The following UBE2QL1 variants were observed in gnomAD, a reference collection of about 807,000 sequenced individuals.
UBE2QL1 encodes ubiquitin conjugating enzyme E2 QL1, also known as ubiquitin-conjugating enzyme E2Q-like protein 1.
Under a neutral mutation model 12.6 loss-of-function variants are expected in UBE2QL1, and 5 were observed. The observed-to-expected ratio is 0.40, with a 90% confidence interval of 0.21 to 0.83. The LOEUF (loss-of-function observed/expected upper bound fraction) is 0.83. Ranked by LOEUF, UBE2QL1 falls within the 40% of genes least tolerant of loss-of-function variation. UBE2QL1 has a pLI of 0.37. For missense variants in UBE2QL1, 99 were observed against 222.6 expected (o/e 0.44, Z 3.53); for synonymous variants, 96 against 94.5 (o/e 1.02, Z -0.10).
chr5:6,472,267 C>G (rs115833881), intron 1 of UBE2QL1, among the ~76,000 whole-genome samples: 5,438 of 152,276 alleles, frequency 0.036, 136 homozygotes, highest in South Asian at 0.099. Context: ...TCCCACCTCC[C>G]TGTGGTCACA....
intron 1 of UBE2QL1, among the ~76,000 whole-genome samples, chr5:6,463,566 C>T (rs1377087622): frequency 6.6e-6 from 1 of 151,248 alleles, no homozygotes; most frequent in Non-Finnish European, 1.5e-5. Context: ...CCGAAGTTCT[C>T]CCGAAACCCA....
In UBE2QL1 at chr5:6,491,480, C is replaced by T. The variant is rs751770214; in HGVS notation, c.*131C>T. On this transcript the variant is annotated 3_prime_UTR_variant, in exon 2 of 2. Coordinates refer to ENST00000399816, the MANE Select transcript of UBE2QL1 (RefSeq NM_001145161.3). ...AACTGCATCCTGAATGCCCAGGAGA[C>T]GTTTAAGTTATTTATGAAAAGATGT... The T allele has an allele frequency of 6.5e-6, 8 of 1,237,776 alleles. No homozygotes were observed. Among genetic ancestry groups the T allele is most frequent in the South Asian group, 2.0e-5 (1 of 50,860 alleles). 76.7% of individuals were successfully genotyped at this position (1,237,776 alleles called of 1,614,324 possible). A position where few individuals can be genotyped will look rare whatever the true frequency, so the allele number is the denominator to read the frequency against.
At chr5:6,452,428 C>CT (rs1383551442) in intron 1 of UBE2QL1, among the ~76,000 whole-genome samples, 2 of 152,146 alleles carry the variant, frequency 1.3e-5, no homozygotes, top group Non-Finnish European at 1.5e-5. Flanking sequence ...ACTAAACCCT[C>CT]TTTTGACTAG....
chr5:6,461,761 A>G (rs1318600923), intron 1 of UBE2QL1, among the ~76,000 whole-genome samples: 7 of 152,090 alleles, frequency 4.6e-5, no homozygotes, highest in African/African-American at 9.7e-5. Flanking sequence ...TGTTAAACAC[A>G]TTATTTAGCT....
At position 6,492,369 on chromosome 5, in the gene UBE2QL1, C is replaced by T. The variant is rs973791527; in HGVS notation, c.*1020C>T. On this transcript the variant is annotated 3_prime_UTR_variant, in exon 2 of 2. Coordinates refer to ENST00000399816, the MANE Select transcript of UBE2QL1 (RefSeq NM_001145161.3). The stretch of plus-strand genomic sequence containing the variant: ...TTCACCCAATAGTCACTTGTGTGTC[C>T]CCCGAAATTGGGATGGGTGAGCACC... 1 of 152,170 alleles carries T rather than the reference C, an allele frequency of 6.6e-6. No homozygotes were observed. The highest frequency in any genetic ancestry group is 2.4e-5 in the African/African-American group (1 of 41,438). The allele number at this position is 152,170 out of a possible 1,614,324, so 9.4% of individuals were successfully genotyped here.
In UBE2QL1 at chr5:6,495,371, C is replaced by T. The variant is rs938132404; in HGVS notation, c.*4022C>T. Among the ~76,000 whole-genome samples the T allele has an allele frequency of 1.3e-5, 2 of 152,204 alleles. No homozygotes were observed. Among genetic ancestry groups the T allele is most frequent in the African/African-American group, 4.8e-5 (2 of 41,446 alleles). ...TAAAGGGGCAGAGCTTACTTCCTGA[C>T]TGTAGTGAGGGTAGAGCCACTGAAT... On this transcript the variant is annotated 3_prime_UTR_variant, in exon 2 of 2. Transcript: ENST00000399816.
chr5:6,461,598 T>C (rs1739667428), intron 1 of UBE2QL1, among the ~76,000 whole-genome samples: 1 of 133,694 alleles, frequency 7.5e-6, no homozygotes, highest in South Asian at 2.4e-4. Context: ...TATGTGGAAA[T>C]GGAGCCTGCA....
At chr5:6,462,169 G>C (rs1739684761) in intron 1 of UBE2QL1, among the ~76,000 whole-genome samples, 1 of 152,198 alleles carries the variant, frequency 6.6e-6, no homozygotes, top group Non-Finnish European at 1.5e-5. Context: ...GACTCGACCA[G>C]AAAAGACAAT....
Position 6,476,134 on chromosome 5 carries a change from C to A in UBE2QL1, c.355-15084C>A, listed in dbSNP as rs1734226445. The stretch of plus-strand genomic sequence containing the variant: ...ATGAGTATCTGGAAAGCTCAGGGAG[C>A]TTTCCAGTGGCACTGGGGCTCCCTT... On this transcript the variant is annotated intron_variant, in intron 1 of 1. Coordinates refer to ENST00000399816, the MANE Select transcript of UBE2QL1 (RefSeq NM_001145161.3). This position sits in a 1 kb window ranked among gnomAD's most constrained non-coding sequence, Gnocchi z 4.9. Among the ~76,000 whole-genome samples, 1 of 151,800 alleles carries A rather than the reference C, an allele frequency of 6.6e-6. No homozygotes were observed.
intron 1 of UBE2QL1, among the ~76,000 whole-genome samples, chr5:6,472,425 G>A (rs560360292): frequency 8.5e-5 from 13 of 152,142 alleles, no homozygotes; most frequent in East Asian, 1.9e-4. Flanking sequence ...GCGGCCGATC[G>A]ACACACTTCC....
chr5:6,477,232 G>A (rs920860487), intron 1 of UBE2QL1, among the ~76,000 whole-genome samples: 4 of 152,328 alleles, frequency 2.6e-5, no homozygotes, highest in Middle Eastern at 3.4e-3. Context: ...TGGCCTGGCC[G>A]TGACCTCCTC....
At chr5:6,458,250 G>A (rs1001295360) in intron 1 of UBE2QL1, among the ~76,000 whole-genome samples, 2 of 152,162 alleles carry the variant, frequency 1.3e-5, no homozygotes, top group Non-Finnish European at 2.9e-5. Context: ...CATTCTCGAG[G>A]TGTTTGACTG....
chr5:6,453,964 T>A (rs927336266), intron 1 of UBE2QL1, among the ~76,000 whole-genome samples: 1 of 152,196 alleles, frequency 6.6e-6, no homozygotes, highest in Non-Finnish European at 1.5e-5. Context: ...CACTGTAATC[T>A]TTAATTCCTG....
intron 1 of UBE2QL1, among the ~76,000 whole-genome samples, chr5:6,471,875 GCATACACGTT>G (rs1347281836): frequency 6.6e-6 from 1 of 152,104 alleles, no homozygotes; most frequent in African/African-American, 2.4e-5. Context: ...ATAAATTCTG[GCATACACGTT>G]CATGTAAACC....
intron 1 of UBE2QL1, among the ~76,000 whole-genome samples, chr5:6,455,991 C>T (rs866343511): frequency 9.2e-5 from 14 of 152,312 alleles, no homozygotes; most frequent in South Asian, 4.1e-4. Flanking sequence ...ATGATTCCCT[C>T]CACCCTCGAT....
In UBE2QL1 at chr5:6,478,217, C is replaced by T. The variant is rs1387800310; in HGVS notation, c.355-13001C>T. On this transcript the variant is annotated intron_variant, in intron 1 of 1. Transcript: ENST00000399816. This position sits in a 1 kb window ranked among gnomAD's most constrained non-coding sequence, Gnocchi z 4.5. Reference sequence around the variant, plus strand: ...ATATATCTGAAGACTTCCAGTGGTTCCAAAATCTCATTTACTTTATTTTTT... The same window carrying T: ...ATATATCTGAAGACTTCCAGTGGTTTCAAAATCTCATTTACTTTATTTTTT... Among the ~76,000 whole-genome samples the T allele has an allele frequency of 6.6e-6, 1 of 152,158 alleles. No individual in the cohort carries two copies. The highest frequency in any genetic ancestry group is 1.5e-5 in the Non-Finnish European group (1 of 68,036).
chr5:6,488,749 A>G lies in UBE2QL1; in HGVS notation c.355-2469A>G, dbSNP rs574596883. Among the ~76,000 whole-genome samples the G allele has an allele frequency of 7.2e-4, 110 of 151,960 alleles. 1 individual carries two copies. The highest frequency in any genetic ancestry group is 2.4e-3 in the African/African-American group (99 of 41,414). ...CAGGAGATCAAGGTTGCACTGAGCT[A>G]TAATTGTACCACTGCACTCCAGTCT... On this transcript the variant is annotated intron_variant, in intron 1 of 1. Transcript: ENST00000399816.
Position 6,491,214 on chromosome 5 carries a change from G to A in UBE2QL1, c.355-4G>A, listed in dbSNP as rs866526913. The A allele has an allele frequency of 1.4e-5, 22 of 1,542,128 alleles. No homozygotes were observed. In the Middle Eastern group the frequency reaches 2.0e-3, roughly 141 times the overall value. On this transcript the variant is annotated splice_region_variant and splice_polypyrimidine_tract_variant and intron_variant, in intron 1 of 1. Coordinates refer to ENST00000399816, the MANE Select transcript of UBE2QL1 (RefSeq NM_001145161.3). ...AACCTGGTTTTTCTTCTCATCTCAC[G>A]CAGGGACGGATCTGTAGAAAAGCTG...
chr5:6,469,848 T>C (rs553441892), intron 1 of UBE2QL1, among the ~76,000 whole-genome samples: 2 of 152,314 alleles, frequency 1.3e-5, no homozygotes, highest in East Asian at 3.9e-4. Flanking sequence ...TCTGCCCTCA[T>C]GACGATAACA....
Sources: allele counts gnomAD v4.1 joint callset (sites outside exome capture counted in the v4.1 genomes callset), GRCh38; gene constraint gnomAD v4.1.1; non-coding constraint Gnocchi (gnomAD v3.1); transcripts MANE v1.5; gene names NCBI Gene and HGNC (gene_info 2026-07-23, HGNC 2026-07-21).